The following CACNA1C variants were observed in gnomAD, a reference collection of about 807,000 sequenced individuals.
The protein encoded by CACNA1C is voltage-dependent L-type calcium channel subunit alpha-1C.
A neutral mutation model predicts 229.0 loss-of-function variants in CACNA1C; 30 were observed. The ratio of observed to expected loss-of-function variants is 0.13; its 90% CI spans 0.10 to 0.18. The LOEUF is 0.18. CACNA1C is among the 10% of genes least tolerant of loss of function. CACNA1C has a pLI of 1.00. For missense variants in CACNA1C, 1,658 were observed against 2,845.0 expected (o/e 0.58, Z 9.49); for synonymous variants, 1,114 against 1,132.5 (o/e 0.98, Z 0.33).
chr12:2,563,694 TGGATGAAGTCA>T (rs934290247), intron 11 of CACNA1C, among the ~76,000 whole-genome samples: 1 of 152,090 alleles, frequency 6.6e-6, no homozygotes, highest in African/African-American at 2.4e-5. Flanking sequence ...AGTAGAAAGG[TGGATGAAGTCA>T]GGCTACTCCA....
At chr12:2,186,820 C>T (rs2097034383) in intron 3 of CACNA1C, among the ~76,000 whole-genome samples, 1 of 152,302 alleles carries the variant, frequency 6.6e-6, no homozygotes, top group East Asian at 1.9e-4. Context: ...AACTGAGGCT[C>T]AGAGTAGGTT....
chr12:2,053,741 C>A lies in CACNA1C; in HGVS notation c.49+130C>A. 1 of 959,806 alleles carries A rather than the reference C, an allele frequency of 1.0e-6. No homozygotes were observed. Among genetic ancestry groups the A allele is most frequent in the Non-Finnish European group, 1.3e-6 (1 of 751,118 alleles). The allele number at this position is 959,806 out of a possible 1,614,324, so 59.5% of individuals were successfully genotyped here. A position where few individuals can be genotyped will look rare whatever the true frequency, so the allele number is the denominator to read the frequency against. ...CCCGGGGCCGCGTCCGCGAGGGGCG[C>A]CTCCGCCTCGTCGGAGCGCCCGGGA... On this transcript the variant is annotated intron_variant, in intron 1 of 46. Transcript: ENST00000399655. This position sits in a 1 kb window ranked among gnomAD's most constrained non-coding sequence, Gnocchi z 5.8.
At chr12:2,404,701 G>T (rs1470970839) in intron 3 of CACNA1C, among the ~76,000 whole-genome samples, 1 of 152,126 alleles carries the variant, frequency 6.6e-6, no homozygotes, top group African/African-American at 2.4e-5. Context: ...AAGACAAATA[G>T]TTTGTCTCGT....
chr12:2,301,096 G>C (rs1404713338), intron 3 of CACNA1C, among the ~76,000 whole-genome samples: 2 of 152,296 alleles, frequency 1.3e-5, no homozygotes, highest in South Asian at 4.1e-4. Context: ...CGGTCCTCAG[G>C]GCGGCATCTG....
In CACNA1C at chr12:2,677,611, C is replaced by T. The variant is rs1381762225; in HGVS notation, c.4957-122C>T. 7 of 1,135,974 alleles carry T rather than the reference C, an allele frequency of 6.2e-6. No homozygotes were observed. Among genetic ancestry groups the T allele is most frequent in the Middle Eastern group, 2.8e-4 (1 of 3,540 alleles). 70.4% of individuals were successfully genotyped at this position (1,135,974 alleles called of 1,614,324 possible). On this transcript the variant is annotated intron_variant, in intron 40 of 46. Coordinates refer to ENST00000399655, the MANE Select transcript of CACNA1C (RefSeq NM_000719.7). This position sits in a 1 kb window ranked among gnomAD's most constrained non-coding sequence, Gnocchi z 7.4. The stretch of plus-strand genomic sequence containing the variant: ...CACACACACAAACCTTCCGGAGGGT[C>T]GACTGGCTGGGTGGAGGATGCCAGG...
At chr12:2,119,946 C>T (rs549323294) in intron 2 of CACNA1C, among the ~76,000 whole-genome samples, 1 of 152,262 alleles carries the variant, frequency 6.6e-6, no homozygotes, top group Non-Finnish European at 1.5e-5. Context: ...GCCCACAGGC[C>T]GTTCGGCATA....
At chr12:2,025,402 G>A (rs937171453) in intron 1 of CACNA1C, among the ~76,000 whole-genome samples, 1 of 152,136 alleles carries the variant, frequency 6.6e-6, no homozygotes, top group Admixed American at 6.5e-5. Context: ...GTGTGTTAGA[G>A]ACTCTAGAGG....
intron 3 of CACNA1C, among the ~76,000 whole-genome samples, chr12:2,338,438 C>T (rs1308748407): frequency 6.6e-6 from 1 of 152,132 alleles, no homozygotes; most frequent in Non-Finnish European, 1.5e-5. Flanking sequence ...CTGTGTGGCT[C>T]AGGATGCACT....
At chr12:2,611,342 C>T (rs570143481) in intron 28 of CACNA1C, among the ~76,000 whole-genome samples, 3 of 121,364 alleles carry the variant, frequency 2.5e-5, no homozygotes, top group Admixed American at 9.9e-5. Context: ...TGGATGTGTT[C>T]GTTGTTGGTT....
At chr12:2,116,313 G>T (rs150618952) in intron 2 of CACNA1C, among the ~76,000 whole-genome samples, 2 of 152,174 alleles carry the variant, frequency 1.3e-5, no homozygotes, top group African/African-American at 4.8e-5. Flanking sequence ...GGCGCTCGCT[G>T]TGGAGTTACA....
At chr12:1,992,920 A>C (rs111963484) in intron 1 of CACNA1C, 17,671 of 548,264 alleles carry the variant, frequency 0.032, 411 homozygotes, top group Middle Eastern at 0.077. Flanking sequence ...TCGTTCAGGG[A>C]GCCACCTATG....
chr12:2,120,567 G>C (rs768992135), intron 3 of CACNA1C, 137 bp downstream of exon 3: 2 of 691,236 alleles, frequency 2.9e-6, no homozygotes, highest in Admixed American at 2.4e-5. Flanking sequence ...CTCACATCCC[G>C]AGTGCTGTTT....
At chr12:2,461,423 G>A (rs1597036878) in intron 5 of CACNA1C, among the ~76,000 whole-genome samples, 1 of 152,126 alleles carries the variant, frequency 6.6e-6, no homozygotes, top group African/African-American at 2.4e-5. Context: ...AGCTCCAGGG[G>A]TAGATCCTGA....
intron 3 of CACNA1C, among the ~76,000 whole-genome samples, chr12:2,193,499 C>G (rs2097306314): frequency 6.6e-6 from 1 of 152,224 alleles, no homozygotes; most frequent in Non-Finnish European, 1.5e-5. Flanking sequence ...TCCATGCACT[C>G]CTTCCCTGTA....
At chr12:2,286,001 C>G (rs908076983) in intron 3 of CACNA1C, among the ~76,000 whole-genome samples, 1 of 152,126 alleles carries the variant, frequency 6.6e-6, no homozygotes, top group Non-Finnish European at 1.5e-5. Context: ...TGAACTCTAA[C>G]TAAAAATGAA....
chr12:2,050,830 A>G (rs1215493470), upstream of CACNA1C, among the ~76,000 whole-genome samples: 3 of 152,208 alleles, frequency 2.0e-5, no homozygotes, highest in Non-Finnish European at 4.4e-5. Flanking sequence ...GTAAGGTTTC[A>G]GGTACCAAGG....
At chr12:2,428,901 C>G (rs925955132) in intron 3 of CACNA1C, among the ~76,000 whole-genome samples, 12 of 152,124 alleles carry the variant, frequency 7.9e-5, no homozygotes, top group Non-Finnish European at 1.5e-4. Flanking sequence ...AGGTGATGTC[C>G]TTGTGTTAGT....
chr12:2,297,991 C>A (rs1206186989), intron 3 of CACNA1C, among the ~76,000 whole-genome samples: 1 of 152,170 alleles, frequency 6.6e-6, no homozygotes, highest in Non-Finnish European at 1.5e-5. Flanking sequence ...AGCAGTTCTT[C>A]CCAAAATAGA....
intron 8 of CACNA1C, among the ~76,000 whole-genome samples, chr12:2,507,456 T>C (rs1937321239): frequency 6.6e-6 from 1 of 152,208 alleles, no homozygotes; most frequent in Non-Finnish European, 1.5e-5. Flanking sequence ...CCAGTCAGTG[T>C]CTTGATTAGC....
Sources: gnomAD v4.1 joint callset for allele counts (sites outside exome capture counted in the v4.1 genomes callset) on GRCh38, gnomAD v4.1.1 for gene constraint, Gnocchi (gnomAD v3.1) non-coding constraint, MANE v1.5 for transcripts, NCBI Gene and HGNC (gene_info 2026-07-23, HGNC 2026-07-21) for gene names.